The following PPHLN1 variants were observed in gnomAD, a reference collection of about 807,000 sequenced individuals.
The protein encoded by PPHLN1 is periphilin 1.
In PPHLN1, 29 loss-of-function variants were observed where a neutral mutation model predicts 51.3. The ratio of observed to expected loss-of-function variants is 0.57; its 90% CI spans 0.42 to 0.77. PPHLN1 has a LOEUF of 0.77. Among genes scored for constraint, PPHLN1 ranks in the 30% least tolerant of loss-of-function variants. The pLI is 0.00. For missense variants in PPHLN1, 436 were observed against 438.4 expected, an observed-to-expected ratio of 0.99 and a Z score of 0.05; for synonymous variants, 147 against 147.8, an observed-to-expected ratio of 0.99 and a Z score of 0.04.
At chr12:42,400,798 T>TTCACACACACACA (rs1555209232) in intron 9 of PPHLN1, among the ~76,000 whole-genome samples, 4 of 142,632 alleles carry the variant, frequency 2.8e-5, no homozygotes, top group African/African-American at 1.0e-4. Flanking sequence ...TCTCTCTCTT[T>TTCACACACACACA]CACACACACA....
chr12:42,409,449 T>C (rs1565965749), intron 9 of PPHLN1, among the ~76,000 whole-genome samples: 1 of 152,162 alleles, frequency 6.6e-6, no homozygotes, highest in Non-Finnish European at 1.5e-5. Flanking sequence ...TACAGATGTC[T>C]TTTAAAGGTT....
At chr12:42,403,468 A>G (rs1592757510) in intron 9 of PPHLN1, among the ~76,000 whole-genome samples, 1 of 152,348 alleles carries the variant, frequency 6.6e-6, no homozygotes, top group Admixed American at 6.5e-5. Context: ...GTTGAAGTAA[A>G]AGTATAAAGT....
At chr12:42,386,913 A>G (rs1366143897) in intron 6 of PPHLN1, 3 of 152,236 alleles carry the variant, frequency 2.0e-5, no homozygotes. Context: ...TTAACCATTT[A>G]ACAAATATTT....
At chr12:42,418,322 T>C (rs1592881510) in intron 9 of PPHLN1, among the ~76,000 whole-genome samples, 1 of 150,288 alleles carries the variant, frequency 6.7e-6, no homozygotes, top group African/African-American at 2.5e-5. Context: ...AGATGAGCAC[T>C]GCAGAATATT....
At chr12:42,441,216 C>G (rs972106620) in intron 9 of PPHLN1, 99 bp from the exon 10 acceptor site, 1 of 1,426,420 alleles carries the variant, frequency 7.0e-7, no homozygotes, top group African/African-American at 1.4e-5. Flanking sequence ...TTGTGTCTCT[C>G]TTTTAGATGT....
intron 5 of PPHLN1, among the ~76,000 whole-genome samples, chr12:42,384,721 T>A (rs1383625859): frequency 6.6e-6 from 1 of 152,246 alleles, no homozygotes; most frequent in Admixed American, 6.5e-5. Flanking sequence ...CCCCTTGGCT[T>A]CTTGCCTTAA....
At chr12:42,418,648 C>A (rs1313165668) in intron 9 of PPHLN1, among the ~76,000 whole-genome samples, 1 of 152,158 alleles carries the variant, frequency 6.6e-6, no homozygotes, top group Admixed American at 6.5e-5. Flanking sequence ...AGCATTCTCT[C>A]TCTGGCCTCT....
intron 9 of PPHLN1, among the ~76,000 whole-genome samples, chr12:42,407,504 A>G (rs554514051): frequency 3.9e-4 from 59 of 152,308 alleles, no homozygotes; most frequent in African/African-American, 1.4e-3. Context: ...ACATACCATC[A>G]CTTCTGCCTT....
intron 9 of PPHLN1, among the ~76,000 whole-genome samples, chr12:42,415,080 G>A (rs1374609576): frequency 6.6e-6 from 1 of 152,206 alleles, no homozygotes; most frequent in Non-Finnish European, 1.5e-5. Context: ...AAGTATGTGT[G>A]AACGTGGACC....
intron 8 of PPHLN1, among the ~76,000 whole-genome samples, chr12:42,397,152 T>G (rs2078312428): frequency 6.6e-6 from 1 of 152,210 alleles, no homozygotes. Context: ...GGCTTCAATG[T>G]CTGTGCTTAT....
At chr12:42,393,860 C>A (rs1309921269) in intron 8 of PPHLN1, among the ~76,000 whole-genome samples, 171 bp downstream of exon 8, 3 of 152,032 alleles carry the variant, frequency 2.0e-5, no homozygotes, top group Non-Finnish European at 4.4e-5. Context: ...ACTCTGAATT[C>A]AGTAATCACG....
chr12:42,432,007 T>C, intron 9 of PPHLN1: 1 of 1,493,654 alleles, frequency 6.7e-7, no homozygotes, highest in Non-Finnish European at 9.3e-7. Context: ...TCAAGTACGC[T>C]GTATGGATTG....
chr12:42,401,933 C>T (rs1392479439), intron 9 of PPHLN1, among the ~76,000 whole-genome samples: 1 of 152,134 alleles, frequency 6.6e-6, no homozygotes, highest in African/African-American at 2.4e-5. Context: ...CACCTCACTG[C>T]AGCCACCACC....
At chr12:42,399,614 A>G (rs535378950) in intron 9 of PPHLN1, 4 of 196,050 alleles carry the variant, frequency 2.0e-5, no homozygotes, top group East Asian at 1.9e-4. Flanking sequence ...TTACATTGAT[A>G]ATAATATTCT....
rs192628162 is a variant in PPHLN1, at chr12:42,441,640, G to A, written c.*131G>A. On this transcript the variant is annotated 3_prime_UTR_variant, in exon 10 of 10. Transcript: ENST00000358314. ...CTTTATGATAGTTGACAACATTTCA[G>A]TATTAAATAAACATCTAAAATAGTC... is the stretch of plus-strand genomic sequence containing the variant. The A allele has an allele frequency of 1.5e-6, 2 of 1,312,946 alleles. No individual in the cohort carries two copies. Among genetic ancestry groups the A allele is most frequent in the South Asian group, 2.1e-5 (1 of 47,464 alleles). 81.3% of individuals were successfully genotyped at this position (1,312,946 alleles called of 1,614,324 possible).
intron 4 of PPHLN1, among the ~76,000 whole-genome samples, chr12:42,363,851 A>G (rs118134320): frequency 0.02 from 3,011 of 152,324 alleles, 38 homozygotes; most frequent in South Asian, 0.044. Context: ...GAAACATGCT[A>G]TACTCTACCA....
intron 9 of PPHLN1, chr12:42,433,036 A>G (rs2082177259): frequency 1.9e-5 from 18 of 955,664 alleles, no homozygotes; most frequent in Non-Finnish European, 3.1e-5. Flanking sequence ...CCTCAGGAAA[A>G]TCCACTGTGC....
At chr12:42,401,600 C>T (rs184876903) in intron 9 of PPHLN1, among the ~76,000 whole-genome samples, 22 of 152,084 alleles carry the variant, frequency 1.4e-4, no homozygotes, top group African/African-American at 4.6e-4. Context: ...GTCACAGAAG[C>T]GCAGACCCTA....
chr12:42,386,824 AAAT>A (rs1384534871), intron 6 of PPHLN1: 2 of 152,230 alleles, frequency 1.3e-5, no homozygotes, highest in African/African-American at 4.8e-5. Context: ...TTTCTATAAA[AAAT>A]AATATACATA....
Sources: allele counts gnomAD v4.1 joint callset (sites outside exome capture counted in the v4.1 genomes callset), GRCh38; gene constraint gnomAD v4.1.1; transcripts MANE v1.5; gene names NCBI Gene and HGNC (gene_info 2026-07-23, HGNC 2026-07-21).